NCOA3: variants seen among roughly 807,000 people sequenced by gnomAD.
The protein encoded by NCOA3 is CBP-interacting protein.
A neutral mutation model predicts 158.8 loss-of-function variants in NCOA3; 51 were observed. That is an observed-to-expected ratio of 0.32 (90% CI 0.26 to 0.41). The LOEUF is 0.41. Among genes scored for constraint, NCOA3 ranks in the 10% least tolerant of loss-of-function variants. The probability of loss-of-function intolerance (pLI) is 1.00; values close to 1 mark genes in which losing one functional copy is unlikely to be tolerated. For missense variants in NCOA3, 1,510 were observed against 1,746.6 expected (o/e 0.86, Z 2.41); for synonymous variants, 537 against 592.4 (o/e 0.91, Z 1.36).
In NCOA3 at chr20:47,508,959, T is replaced by C. The variant is rs560956755; in HGVS notation, c.-99+6940T>C. Among the ~76,000 whole-genome samples, 34 of 152,368 alleles carry C rather than the reference T, an allele frequency of 2.2e-4. No individual in the cohort carries two copies. The East Asian group carries it at 6.4e-3, about 28-fold the overall frequency. ...CTGTATGGTTTTCCAAGGTTCCTTATTTTATACAATTCTATAAACTTAAGG... is the reference window on the plus strand; with the variant it reads ...CTGTATGGTTTTCCAAGGTTCCTTACTTTATACAATTCTATAAACTTAAGG... On this transcript the variant is annotated intron_variant, in intron 1 of 22. Transcript: ENST00000371998.
At chr20:47,600,755 A>G (rs1422370743) in intron 2 of NCOA3, among the ~76,000 whole-genome samples, 1 of 147,108 alleles carries the variant, frequency 6.8e-6, no homozygotes, top group African/African-American at 2.5e-5. Flanking sequence ...GGCTCAAGCT[A>G]TCTGCCCTCC....
intron 8 of NCOA3, among the ~76,000 whole-genome samples, chr20:47,631,630 T>C (rs1244582641): frequency 6.6e-6 from 1 of 152,216 alleles, no homozygotes; most frequent in African/African-American, 2.4e-5. Context: ...CCTCCAAGTT[T>C]AGGTATTAAG....
At chr20:47,584,221 G>C (rs1416202967) in intron 2 of NCOA3, among the ~76,000 whole-genome samples, 1 of 152,144 alleles carries the variant, frequency 6.6e-6, no homozygotes, top group Non-Finnish European at 1.5e-5. Flanking sequence ...CTTGATCTCA[G>C]GAGTTTGAAG....
chr20:47,522,986 C>G (rs998806110), intron 1 of NCOA3, among the ~76,000 whole-genome samples: 18 of 151,660 alleles, frequency 1.2e-4, no homozygotes, highest in Non-Finnish European at 2.2e-4. Flanking sequence ...GTCAGGAGAT[C>G]GAGACCATCC....
intron 17 of NCOA3, among the ~76,000 whole-genome samples, chr20:47,646,154 A>G (rs2086682658): frequency 6.6e-6 from 1 of 152,250 alleles, no homozygotes; most frequent in African/African-American, 2.4e-5. Flanking sequence ...ACATCCTCCC[A>G]CATAGTTTAA....
At chr20:47,650,740 G>GT (rs1334094802) in intron 19 of NCOA3, among the ~76,000 whole-genome samples, 1 of 151,886 alleles carries the variant, frequency 6.6e-6, no homozygotes, top group Admixed American at 6.6e-5. Context: ...GTGCACGCCT[G>GT]TAATCCCAGC....
intron 1 of NCOA3, among the ~76,000 whole-genome samples, chr20:47,527,859 C>G (rs2084481455): frequency 6.6e-6 from 1 of 152,132 alleles, no homozygotes; most frequent in South Asian, 2.1e-4. Flanking sequence ...AAATGTCATT[C>G]AGCTTCTTTG....
At chr20:47,644,178 C>G (rs534683393) in intron 17 of NCOA3, among the ~76,000 whole-genome samples, 1 of 150,156 alleles carries the variant, frequency 6.7e-6, no homozygotes, top group African/African-American at 2.4e-5. Flanking sequence ...CTCGCTCTGT[C>G]GCCCAGGCTG....
chr20:47,522,996 C>T (rs1185126322), intron 1 of NCOA3, among the ~76,000 whole-genome samples: 1 of 152,056 alleles, frequency 6.6e-6, no homozygotes, highest in South Asian at 2.1e-4. Context: ...CGAGACCATC[C>T]TGGCTAACAC....
chr20:47,547,626 G>T (rs534151776), intron 1 of NCOA3, among the ~76,000 whole-genome samples: 1 of 151,832 alleles, frequency 6.6e-6, no homozygotes, highest in South Asian at 2.1e-4. Flanking sequence ...CACCACATTA[G>T]CCAGGATAGT....
chr20:47,519,511 A>T lies in NCOA3; in HGVS notation c.-99+17492A>T, dbSNP rs913648304. Among the ~76,000 whole-genome samples the T allele has an allele frequency of 2.6e-5, 4 of 152,342 alleles. No homozygotes were observed. In the Middle Eastern group the frequency reaches 0.01, roughly 389 times the overall value. On this transcript the variant is annotated intron_variant, in intron 1 of 22. Transcript: ENST00000371998. ...GATGGTACCTGAGATGGGCCCAACA[A>T]CTAGACTAGAAAGCAGTGGAGAAAC...
chr20:47,512,764 G>A (rs1435302880), intron 1 of NCOA3, among the ~76,000 whole-genome samples: 2 of 152,274 alleles, frequency 1.3e-5, no homozygotes, highest in South Asian at 4.1e-4. Context: ...TTGTTGGTAA[G>A]GATGTGGAAC....
At chr20:47,632,866 A>G (rs2086444446) in intron 8 of NCOA3, among the ~76,000 whole-genome samples, 1 of 151,682 alleles carries the variant, frequency 6.6e-6, no homozygotes, top group Non-Finnish European at 1.5e-5. Flanking sequence ...TATTTTTACT[A>G]GAGATGGGGT....
intron 2 of NCOA3, among the ~76,000 whole-genome samples, chr20:47,621,776 C>T (rs1568732392): frequency 6.6e-6 from 1 of 151,162 alleles, no homozygotes; most frequent in Non-Finnish European, 1.5e-5. Context: ...GCCTCAGCCT[C>T]CCAAATAACT....
At chr20:47,609,869 T>A (rs1227554675) in intron 2 of NCOA3, among the ~76,000 whole-genome samples, 1 of 152,244 alleles carries the variant, frequency 6.6e-6, no homozygotes, top group African/African-American at 2.4e-5. Context: ...CTCCTCCTCT[T>A]TGCAGTATTT....
chr20:47,517,431 TTTTTTTC>T (rs1313814182), intron 1 of NCOA3, among the ~76,000 whole-genome samples: 2 of 150,980 alleles, frequency 1.3e-5, no homozygotes, highest in African/African-American at 2.5e-5. Flanking sequence ...CATTTTCTTC[TTTTTTTC>T]TTTTTTCTTT....
intron 1 of NCOA3, among the ~76,000 whole-genome samples, chr20:47,518,087 C>A (rs1023186489): frequency 6.6e-6 from 1 of 152,002 alleles, no homozygotes; most frequent in Non-Finnish European, 1.5e-5. Flanking sequence ...TGGCTCACAC[C>A]TGTAATCCTA....
intron 1 of NCOA3, among the ~76,000 whole-genome samples, chr20:47,533,731 C>G (rs983437460): frequency 2.0e-5 from 3 of 152,044 alleles, no homozygotes; most frequent in African/African-American, 7.3e-5. Flanking sequence ...GAGTTTGAGA[C>G]CAGCCTGAGC....
At chr20:47,583,286 A>G (rs2085482461) in intron 2 of NCOA3, 25 bp downstream of exon 2, 1 of 398,312 alleles carries the variant, frequency 2.5e-6, no homozygotes, top group South Asian at 1.3e-4. Flanking sequence ...GTTTGATTTG[A>G]TCCTTTGTAA....
Sources: gnomAD v4.1 joint callset for allele counts (sites outside exome capture counted in the v4.1 genomes callset) on GRCh38, gnomAD v4.1.1 for gene constraint, MANE v1.5 for transcripts, NCBI Gene and HGNC (gene_info 2026-07-23, HGNC 2026-07-21) for gene names.